Variants in RALA observed in about 807,000 individuals in gnomAD.
RALA encodes the protein ras-related protein Ral-A.
Under a neutral mutation model 24.0 loss-of-function variants are expected in RALA, and 5 were observed. The ratio of observed to expected loss-of-function variants is 0.21; its 90% CI spans 0.11 to 0.44. RALA has a LOEUF of 0.44. Ranked by LOEUF, RALA falls within the 20% of genes least tolerant of loss-of-function variation. The probability of loss-of-function intolerance (pLI) is 0.99; values close to 1 mark genes in which losing one functional copy is unlikely to be tolerated. For missense variants in RALA, 95 were observed against 241.2 expected, an observed-to-expected ratio of 0.39 and a Z score of 4.01; for synonymous variants, 77 against 83.8, an observed-to-expected ratio of 0.92 and a Z score of 0.44.
intron 1 of RALA, among the ~76,000 whole-genome samples, chr7:39,629,035 A>C (rs1208033255): frequency 6.6e-6 from 1 of 152,240 alleles, no homozygotes; most frequent in Non-Finnish European, 1.5e-5. Context: ...TTTAAGTAAT[A>C]TCTAATATTT....
chr7:39,635,539 T>A (rs1397219784), intron 1 of RALA, among the ~76,000 whole-genome samples: 1 of 152,164 alleles, frequency 6.6e-6, no homozygotes, highest in Non-Finnish European at 1.5e-5. Context: ...ACTACTAATC[T>A]ATTTTCTCTC....
intron 3 of RALA, among the ~76,000 whole-genome samples, chr7:39,693,454 A>G (rs1231519182): frequency 6.6e-6 from 1 of 152,200 alleles, no homozygotes; most frequent in Admixed American, 6.5e-5. Flanking sequence ...GCATTAGGAG[A>G]AATACCTAAT....
rs1422580576 is a variant in RALA, at chr7:39,690,539, G to T, written c.272G>T (p.Cys91Phe). Residue 91 changes from cysteine to phenylalanine, a missense_variant, in exon 3 of 5, where the codon TGT becomes TTT. Cys to Phe is a radical substitution (Grantham distance 205, BLOSUM62 -2). Coordinates refer to ENST00000005257, the MANE Select transcript of RALA (RefSeq NM_005402.4). ...TTCCGAAGTGGGGAGGGGTTCCTCT[G>T]TGTTTTCTCTATTACAGAAATGGAA... is the stretch of plus-strand genomic sequence containing the variant. ...NYFRSGEGFL[C>F]VFSITEMESF... 2.5e-6 allele frequency: 4 copies of T among 1,613,840 alleles called. No homozygotes were observed. Among genetic ancestry groups the T allele is most frequent in the Non-Finnish European group, 3.4e-6 (4 of 1,179,932 alleles).
intron 1 of RALA, among the ~76,000 whole-genome samples, chr7:39,677,135 G>A (rs907355703): frequency 1.3e-5 from 2 of 152,200 alleles, no homozygotes; most frequent in Non-Finnish European, 2.9e-5. Flanking sequence ...TCTGTGATGC[G>A]GCCAGGGGCC....
chr7:39,646,841 T>C (rs907256697), intron 1 of RALA, among the ~76,000 whole-genome samples: 1 of 152,146 alleles, frequency 6.6e-6, no homozygotes, highest in African/African-American at 2.4e-5. Context: ...GCCTTACCCA[T>C]GTACTGCTGT....
At chr7:39,642,364 T>A (rs1791833467) in intron 1 of RALA, among the ~76,000 whole-genome samples, 1 of 152,200 alleles carries the variant, frequency 6.6e-6, no homozygotes, top group Non-Finnish European at 1.5e-5. Flanking sequence ...AAGATTTGTT[T>A]GCAGATTCCT....
At chr7:39,655,698 T>C (rs1304255445) in intron 1 of RALA, among the ~76,000 whole-genome samples, 4 of 152,202 alleles carry the variant, frequency 2.6e-5, no homozygotes, top group Admixed American at 1.3e-4. Flanking sequence ...ACTTCAAGTA[T>C]ATCTTCTGTT....
chr7:39,661,716 G>A (rs774334617), intron 1 of RALA, among the ~76,000 whole-genome samples: 2 of 152,214 alleles, frequency 1.3e-5, no homozygotes, highest in Non-Finnish European at 2.9e-5. Flanking sequence ...TTGAGTGTCT[G>A]TGGCTTTTCC....
intron 1 of RALA, among the ~76,000 whole-genome samples, chr7:39,647,775 A>G (rs1271695555): frequency 6.6e-6 from 1 of 152,214 alleles, no homozygotes; most frequent in African/African-American, 2.4e-5. Context: ...ACAGCCATCT[A>G]GGAGGAAATG....
intron 1 of RALA, among the ~76,000 whole-genome samples, chr7:39,634,919 G>A (rs1475235753): frequency 6.6e-6 from 1 of 151,654 alleles, no homozygotes; most frequent in Non-Finnish European, 1.5e-5. Context: ...CACATTCATT[G>A]GTCATTTATA....
chr7:39,655,859 G>A (rs1048928932), intron 1 of RALA, among the ~76,000 whole-genome samples: 2 of 152,040 alleles, frequency 1.3e-5, no homozygotes, highest in South Asian at 4.2e-4. Context: ...TCAGGATCAA[G>A]GCATATAAGG....
chr7:39,674,069 A>G (rs939294956), intron 1 of RALA, among the ~76,000 whole-genome samples: 1 of 151,486 alleles, frequency 6.6e-6, no homozygotes, highest in African/African-American at 2.4e-5. Flanking sequence ...AAATAAATAA[A>G]TAAATAAATA....
intron 4 of RALA, among the ~76,000 whole-genome samples, chr7:39,705,226 C>T (rs915829221): frequency 2.0e-5 from 3 of 152,140 alleles, no homozygotes; most frequent in South Asian, 2.1e-4. Flanking sequence ...TTTTCAGACG[C>T]GTTAGGAAAG....
At chr7:39,650,400 T>C (rs1476665353) in intron 1 of RALA, among the ~76,000 whole-genome samples, 1 of 152,196 alleles carries the variant, frequency 6.6e-6, no homozygotes, top group Non-Finnish European at 1.5e-5. Flanking sequence ...GCCTAAAATA[T>C]TTACTAGAAA....
At chr7:39,648,631 A>T (rs920429074) in intron 1 of RALA, among the ~76,000 whole-genome samples, 7 of 152,170 alleles carry the variant, frequency 4.6e-5, no homozygotes, top group Non-Finnish European at 7.3e-5. Flanking sequence ...ATGGCAAAGT[A>T]ATTTAGGATC....
chr7:39,649,749 A>G (rs1284730654), intron 1 of RALA, among the ~76,000 whole-genome samples: 2 of 152,214 alleles, frequency 1.3e-5, no homozygotes, highest in Non-Finnish European at 2.9e-5. Flanking sequence ...CATGAAAGGA[A>G]TGAATGTAGA....
chr7:39,698,529 A>G (rs1792961404), intron 4 of RALA, among the ~76,000 whole-genome samples: 1 of 152,232 alleles, frequency 6.6e-6, no homozygotes, highest in Non-Finnish European at 1.5e-5. Flanking sequence ...TGTATGGCAA[A>G]TATTTTTAAA....
At chr7:39,688,965 G>A (rs913899424) in intron 2 of RALA, among the ~76,000 whole-genome samples, 1 of 152,146 alleles carries the variant, frequency 6.6e-6, no homozygotes, top group Non-Finnish European at 1.5e-5. Flanking sequence ...GGGAGGGAGA[G>A]AGAGAGAGTG....
intron 1 of RALA, among the ~76,000 whole-genome samples, chr7:39,645,987 A>G (rs545071791): frequency 6.6e-6 from 1 of 152,316 alleles, no homozygotes; most frequent in South Asian, 2.1e-4. Flanking sequence ...GAAGCATTAT[A>G]AGATTTGCCT....
Sources: gnomAD v4.1 joint callset for allele counts (sites outside exome capture counted in the v4.1 genomes callset) on GRCh38, gnomAD v4.1.1 for gene constraint, MANE v1.5 for transcripts, NCBI Gene and HGNC (gene_info 2026-07-23, HGNC 2026-07-21) for gene names.